The following RALYL variants were observed in gnomAD, a reference collection of about 807,000 sequenced individuals.
RALYL encodes RNA-binding Raly-like protein.
A neutral mutation model predicts 35.1 loss-of-function variants in RALYL; 29 were observed. The ratio of observed to expected loss-of-function variants is 0.83; its 90% CI spans 0.61 to 1.13. The LOEUF is 1.13. RALYL is among the 50% of genes most tolerant of loss of function. The probability of loss-of-function intolerance (pLI) is 0.00; values close to 1 mark genes in which losing one functional copy is unlikely to be tolerated. For missense variants in RALYL, 359 were observed against 360.4 expected, an observed-to-expected ratio of 1.00 and a Z score of 0.03; for synonymous variants, 120 against 127.6, an observed-to-expected ratio of 0.94 and a Z score of 0.40.
chr8:84,834,087 A>G (rs1031221830), intron 4 of RALYL, among the ~76,000 whole-genome samples: 7 of 152,228 alleles, frequency 4.6e-5, no homozygotes, highest in Admixed American at 2.0e-4. Context: ...TAAATCATAA[A>G]AATATCAACT....
intron 1 of RALYL, among the ~76,000 whole-genome samples, chr8:84,460,468 G>A (rs1479096): frequency 0.29 from 44,438 of 151,398 alleles, 8,131 homozygotes; most frequent in South Asian, 0.5. Context: ...CATAAAAATG[G>A]CATTATGAAG....
At chr8:84,514,866 A>G (rs936366086) in intron 1 of RALYL, among the ~76,000 whole-genome samples, 5 of 152,086 alleles carry the variant, frequency 3.3e-5, no homozygotes, top group Admixed American at 2.6e-4. Flanking sequence ...TAAAGATGAG[A>G]AAGTCCTCTA....
chr8:84,905,695 A>G (rs1846367999), intron 8 of RALYL, among the ~76,000 whole-genome samples: 1 of 130,676 alleles, frequency 7.7e-6, no homozygotes, highest in African/African-American at 3.1e-5. Flanking sequence ...CATTATATGA[A>G]TACTATTTTT....
intron 1 of RALYL, among the ~76,000 whole-genome samples, chr8:84,409,013 G>A (rs181509023): frequency 2.4e-4 from 37 of 152,068 alleles, no homozygotes; most frequent in East Asian, 2.3e-3. Context: ...ATCCTGATAT[G>A]GAAAAAGTAG....
intron 1 of RALYL, among the ~76,000 whole-genome samples, chr8:84,245,873 T>C (rs1828976878): frequency 6.6e-6 from 1 of 152,206 alleles, no homozygotes; most frequent in Non-Finnish European, 1.5e-5. Flanking sequence ...AAGAAGAACC[T>C]TTCAATAATT....
At chr8:84,839,473 G>T (rs955788703) in intron 4 of RALYL, among the ~76,000 whole-genome samples, 64 of 152,232 alleles carry the variant, frequency 4.2e-4, no homozygotes, top group African/African-American at 1.5e-3. Flanking sequence ...TGGCCAGGAA[G>T]CTCGAACTGG....
At position 84,367,318 on chromosome 8, in the gene RALYL, A is replaced by ATTTTTTTTTTTTTTTTT. The variant is rs56387511; in HGVS notation, c.-23-161946_-23-161930dup. ...GCCATCCTGCCCAACTAATTTTTGTATTTTTTTTTTTTTTTTTTTTTTTTT... is the reference window on the plus strand; with the variant it reads ...GCCATCCTGCCCAACTAATTTTTGTATTTTTTTTTTTTTTTTTTTTTTTTTTTTTTTTTTTTTTTTTT... On this transcript the variant is annotated intron_variant, in intron 1 of 8. Transcript: ENST00000521268. Among the ~76,000 whole-genome samples, 2 of 27,400 alleles carry ATTTTTTTTTTTTTTTTT rather than the reference A, an allele frequency of 7.3e-5. 1 individual carries two copies. The highest frequency in any genetic ancestry group is 2.0e-4 in the Non-Finnish European group (2 of 10,140). 18.0% of individuals were successfully genotyped at this position (27,400 alleles called of 152,430 possible).
intron 4 of RALYL, among the ~76,000 whole-genome samples, chr8:84,847,006 C>T (rs1057498595): frequency 2.0e-5 from 3 of 152,104 alleles, no homozygotes; most frequent in Admixed American, 6.6e-5. Flanking sequence ...GGTTAATTTG[C>T]TCTTGTTTTT....
intron 2 of RALYL, among the ~76,000 whole-genome samples, chr8:84,546,021 T>C (rs1247185120): frequency 6.6e-6 from 1 of 152,218 alleles, no homozygotes. Flanking sequence ...CATTTCCACA[T>C]TAAAATTCTG....
intron 2 of RALYL, among the ~76,000 whole-genome samples, chr8:84,612,550 C>CAAGCATT (rs1564235368): frequency 1.3e-5 from 2 of 151,830 alleles, no homozygotes; most frequent in African/African-American, 4.9e-5. Flanking sequence ...TGTTACTCTA[C>CAAGCATT]TCCAGAAGAG....
At chr8:84,554,150 A>G (rs1175253214) in intron 2 of RALYL, among the ~76,000 whole-genome samples, 1 of 152,168 alleles carries the variant, frequency 6.6e-6, no homozygotes, top group Non-Finnish European at 1.5e-5. Context: ...AAAATTCCTA[A>G]AAAAATTAAG....
intron 2 of RALYL, among the ~76,000 whole-genome samples, chr8:84,767,028 A>T (rs141733140): frequency 6.6e-6 from 1 of 152,150 alleles, no homozygotes; most frequent in African/African-American, 2.4e-5. Flanking sequence ...GAGGTGGGAG[A>T]GTCACATCTA....
At chr8:84,509,648 TC>T (rs1435429224) in intron 1 of RALYL, among the ~76,000 whole-genome samples, 5 of 152,194 alleles carry the variant, frequency 3.3e-5, no homozygotes, top group African/African-American at 1.2e-4. Context: ...TCTATAGTTT[TC>T]CATTTCACAT....
At position 84,920,956 on chromosome 8, in the gene RALYL, G is replaced by C; in HGVS notation, c.*45G>C. ...CCACAAAGCAGAAAAGAGAAACTGT[G>C]ACAACCCCCAGAAATGTGAAAGGAG... On this transcript the variant is annotated 3_prime_UTR_variant, in exon 9 of 9. Coordinates refer to ENST00000521268, the MANE Select transcript of RALYL (RefSeq NM_173848.7). 7.8e-7 allele frequency: 1 copy of C among 1,283,128 alleles called. No homozygotes were observed. The highest frequency in any genetic ancestry group is 1.5e-5 in the South Asian group (1 of 65,480). 79.5% of individuals were successfully genotyped at this position (1,283,128 alleles called of 1,614,324 possible).
chr8:84,419,275 C>T (rs996217893), intron 1 of RALYL, among the ~76,000 whole-genome samples: 1 of 152,108 alleles, frequency 6.6e-6, no homozygotes, highest in African/African-American at 2.4e-5. Context: ...CATGAGGGCT[C>T]CTTAAGTTTT....
chr8:84,497,558 C>A (rs2056166285), intron 1 of RALYL, among the ~76,000 whole-genome samples: 1 of 150,166 alleles, frequency 6.7e-6, no homozygotes, highest in African/African-American at 2.5e-5. Flanking sequence ...AAGTTATTAA[C>A]AATATGTTTT....
At chr8:84,783,669 A>T (rs765496674) in intron 3 of RALYL, among the ~76,000 whole-genome samples, 6 of 152,206 alleles carry the variant, frequency 3.9e-5, no homozygotes, top group Non-Finnish European at 8.8e-5. Context: ...CTTGAGAAAG[A>T]CATTCCCAGG....
intron 1 of RALYL, among the ~76,000 whole-genome samples, chr8:84,518,260 A>C (rs2058208482): frequency 1.3e-5 from 2 of 152,202 alleles, no homozygotes; most frequent in African/African-American, 4.8e-5. Flanking sequence ...TTATTAGAGA[A>C]AAAGCATCCA....
intron 2 of RALYL, among the ~76,000 whole-genome samples, chr8:84,722,458 T>C (rs183274805): frequency 1.3e-5 from 2 of 151,638 alleles, no homozygotes; most frequent in African/African-American, 4.8e-5. Context: ...GTTTATCCTC[T>C]TTCTGGGTCA....
Sources: allele counts gnomAD v4.1 joint callset (sites outside exome capture counted in the v4.1 genomes callset), GRCh38; gene constraint gnomAD v4.1.1; transcripts MANE v1.5; gene names NCBI Gene and HGNC (gene_info 2026-07-23, HGNC 2026-07-21).